The following ARHGEF7 variants were observed in gnomAD, a reference collection of about 807,000 sequenced individuals.
ARHGEF7 encodes Rho guanine nucleotide exchange factor 7, also known as PAK-interacting exchange factor beta.
Under a neutral mutation model 109.8 loss-of-function variants are expected in ARHGEF7, and 33 were observed. That is an observed-to-expected ratio of 0.30 (90% CI 0.23 to 0.40). The LOEUF (loss-of-function observed/expected upper bound fraction) is 0.40, where lower values mean the gene tolerates loss of function less well. Ranked by LOEUF, ARHGEF7 falls within the 10% of genes least tolerant of loss-of-function variation. The probability of loss-of-function intolerance (pLI) is 1.00; values close to 1 mark genes in which losing one functional copy is unlikely to be tolerated. For synonymous variants in ARHGEF7, 458 were observed against 424.6 expected, an observed-to-expected ratio of 1.08 and a Z score of -0.97; for missense variants, 938 against 1,098.5, an observed-to-expected ratio of 0.85 and a Z score of 2.07.
chr13:111,221,790 A>G (rs1566878402), intron 5 of ARHGEF7, among the ~76,000 whole-genome samples: 1 of 151,386 alleles, frequency 6.6e-6, no homozygotes. Flanking sequence ...AAGAACCCTC[A>G]TACACCTATG....
At chr13:111,123,999 TC>T (rs2067391755) in intron 1 of ARHGEF7, among the ~76,000 whole-genome samples, 1 of 152,218 alleles carries the variant, frequency 6.6e-6, no homozygotes, top group Non-Finnish European at 1.5e-5. Flanking sequence ...TCCCAACTTT[TC>T]TACTAACATT....
At chr13:111,156,080 CAAA>C (rs56803261) in intron 2 of ARHGEF7, among the ~76,000 whole-genome samples, 1,685 of 123,588 alleles carry the variant, frequency 0.014, 22 homozygotes, top group African/African-American at 0.041. Flanking sequence ...AAGACTCCCT[CAAA>C]AAAAAAAAAA....
At chr13:111,115,088 C>G (rs1252176875), upstream of ARHGEF7, 12 of 150,492 alleles carry the variant, frequency 8.0e-5, no homozygotes, top group Non-Finnish European at 1.6e-4. Flanking sequence ...GCCCCCACCC[C>G]CGGCTCCCTC....
At chr13:111,282,180 T>C (rs1231559106) in intron 15 of ARHGEF7, among the ~76,000 whole-genome samples, 2 of 83,722 alleles carry the variant, frequency 2.4e-5, no homozygotes, top group Admixed American at 1.5e-4. Context: ...ATTCTTGAAA[T>C]TGTGGCATTA....
chr13:111,221,252 T>C (rs59745178), intron 5 of ARHGEF7, among the ~76,000 whole-genome samples: 4 of 56,106 alleles, frequency 7.1e-5, no homozygotes, highest in Non-Finnish European at 1.3e-4. Context: ...TGTCTATATA[T>C]ATCTATATAG....
chr13:111,264,035 C>T (rs1209365678), intron 8 of ARHGEF7, among the ~76,000 whole-genome samples: 1 of 151,898 alleles, frequency 6.6e-6, no homozygotes, highest in Non-Finnish European at 1.5e-5. Flanking sequence ...AGAACTGTGG[C>T]TAATCCCGGT....
chr13:111,176,030 A>G (rs56366615), intron 2 of ARHGEF7, among the ~76,000 whole-genome samples: 18,601 of 152,154 alleles, frequency 0.12, 1,531 homozygotes, highest in Middle Eastern at 0.21. Flanking sequence ...CCATGATTCA[A>G]TTACCTCCCA....
intron 1 of ARHGEF7, chr13:111,153,606 A>G (rs961775155): frequency 4.3e-6 from 5 of 1,151,634 alleles, no homozygotes; most frequent in East Asian, 5.7e-5. Context: ...CTATCCGAAG[A>G]CGTCCCGCGC....
intron 2 of ARHGEF7, among the ~76,000 whole-genome samples, chr13:111,154,695 C>G (rs566625700): frequency 7.9e-4 from 121 of 152,264 alleles, no homozygotes; most frequent in African/African-American, 2.8e-3. Flanking sequence ...GTGGCAGTTT[C>G]TGGGAATTTA....
At position 111,283,488 on chromosome 13, in the gene ARHGEF7, G is replaced by C. The variant is rs562691939; in HGVS notation, c.1950+125G>C. ...CCCTAACTCCTAGAGAACTGAGAAGGGGGGGTCTGCCTTGGTTCTCTGGTT... is the reference window on the plus strand; with the variant it reads ...CCCTAACTCCTAGAGAACTGAGAAGCGGGGGTCTGCCTTGGTTCTCTGGTT... On this transcript the variant is annotated intron_variant, in intron 16 of 21. Transcript: ENST00000646102. The C allele has an allele frequency of 1.7e-3, 2,410 of 1,417,624 alleles. 2 individuals carry two copies. The highest frequency in any genetic ancestry group is 2.1e-3 in the Non-Finnish European group (2,274 of 1,078,142). 87.8% of individuals were successfully genotyped at this position (1,417,624 alleles called of 1,614,324 possible).
rs78909819 is a variant in ARHGEF7, at chr13:111,166,566, C to A, written c.252+12575C>A. Reference sequence around the variant, plus strand: ...CCGTCAGCATAGGTAGCAGGAGAGACTGAATTCTAGTTTTTATCAAGAGGG... The same window carrying A: ...CCGTCAGCATAGGTAGCAGGAGAGAATGAATTCTAGTTTTTATCAAGAGGG... On this transcript the variant is annotated intron_variant, in intron 2 of 21. Transcript: ENST00000646102. 4.3e-3 allele frequency among the ~76,000 whole-genome samples: 660 copies of A among 152,274 alleles called. 12 individuals carry two copies. The highest frequency in any genetic ancestry group is 0.031 in the East Asian group (161 of 5,190).
At chr13:111,210,891 C>T (rs2082411430) in intron 4 of ARHGEF7, among the ~76,000 whole-genome samples, 2 of 152,090 alleles carry the variant, frequency 1.3e-5, no homozygotes, top group Non-Finnish European at 2.9e-5. Context: ...GGGAGTATTG[C>T]TAAGTAAGCT....
chr13:111,200,588 C>G (rs535192043), intron 2 of ARHGEF7, among the ~76,000 whole-genome samples: 2 of 152,266 alleles, frequency 1.3e-5, no homozygotes, highest in East Asian at 3.9e-4. Context: ...TGTGTGGAGA[C>G]TTATCCACCC....
intron 2 of ARHGEF7, among the ~76,000 whole-genome samples, chr13:111,161,796 A>G (rs1389375858): frequency 6.6e-6 from 1 of 152,200 alleles, no homozygotes; most frequent in Non-Finnish European, 1.5e-5. Context: ...TATCCATGAC[A>G]TCATAGATAC....
chr13:111,118,113 C>G (rs1292218076), intron 1 of ARHGEF7, among the ~76,000 whole-genome samples: 2 of 152,262 alleles, frequency 1.3e-5, no homozygotes, highest in Non-Finnish European at 2.9e-5. Flanking sequence ...TCTGCAGGCT[C>G]ACAACCTGGC....
chr13:111,277,493 A>G (rs1039959925), intron 12 of ARHGEF7, 94 bp from the exon 13 acceptor site: 3 of 737,138 alleles, frequency 4.1e-6, no homozygotes, highest in African/African-American at 3.5e-5. Context: ...GTAATGTTTC[A>G]TAGGGCCTAG....
At chr13:111,281,805 C>T (rs533512982) in intron 15 of ARHGEF7, among the ~76,000 whole-genome samples, 1 of 152,152 alleles carries the variant, frequency 6.6e-6, no homozygotes, top group Non-Finnish European at 1.5e-5. Flanking sequence ...TCACTGGTGG[C>T]TGGGAAGGCA....
At chr13:111,138,380 C>T (rs1460499642) in intron 1 of ARHGEF7, among the ~76,000 whole-genome samples, 1 of 152,078 alleles carries the variant, frequency 6.6e-6, no homozygotes, top group Non-Finnish European at 1.5e-5. Flanking sequence ...ACTTGGGAGG[C>T]TGAGGTGGGA....
intron 1 of ARHGEF7, among the ~76,000 whole-genome samples, chr13:111,123,493 A>G (rs1486275205): frequency 6.9e-6 from 1 of 144,002 alleles, no homozygotes; most frequent in African/African-American, 3.0e-5. Context: ...ACACACACAC[A>G]CATACATGCC....
Sources: gnomAD v4.1 joint callset for allele counts (sites outside exome capture counted in the v4.1 genomes callset) on GRCh38, gnomAD v4.1.1 for gene constraint, MANE v1.5 for transcripts, NCBI Gene and HGNC (gene_info 2026-07-23, HGNC 2026-07-21) for gene names.